The following SLX9 variants were observed in gnomAD, a reference collection of about 807,000 sequenced individuals.
SLX9 encodes the protein SLX9 ribosome biogenesis factor.
Under a neutral mutation model 20.8 loss-of-function variants are expected in SLX9, and 19 were observed. That is an observed-to-expected ratio of 0.91 (90% confidence interval 0.64 to 1.34). SLX9 has a LOEUF of 1.34. Ranked by LOEUF, SLX9 falls within the 40% of genes most tolerant of loss-of-function variation. The pLI is 0.00. For synonymous variants in SLX9, 113 were observed against 137.1 expected, an observed-to-expected ratio of 0.82 and a Z score of 1.23; for missense variants, 299 against 322.2, an observed-to-expected ratio of 0.93 and a Z score of 0.55.
In SLX9 at chr21:44,943,767, G is replaced by A. The variant is rs773438173; in HGVS notation, c.213G>A (p.Val71=). ...TGGTGCAGAAGCTGGAGCTGGACGT[G>A]AGGAGTGTCACTTCCGTCAGGAGAG... ...SALVQKLELD[V]RSVTSVRRGE... The change falls in exon 2 of 6, where the codon GTG becomes GTA. Residue 71 remains valine, a synonymous_variant. Coordinates refer to ENST00000291634, the MANE Select transcript of SLX9 (RefSeq NM_058190.4). 2.5e-6 allele frequency: 4 copies of A among 1,614,216 alleles called. No homozygotes were observed. Among genetic ancestry groups the A allele is most frequent in the Non-Finnish European group, 3.4e-6 (4 of 1,180,038 alleles).
chr21:44,952,848 G>A (rs972326577), intron 2 of SLX9, among the ~76,000 whole-genome samples: 1 of 152,270 alleles, frequency 6.6e-6, no homozygotes, highest in African/African-American at 2.4e-5. Flanking sequence ...TCGGTTGGTG[G>A]GGCCTGGCTG....
At chr21:44,942,084 G>C (rs1231689136) in intron 1 of SLX9, among the ~76,000 whole-genome samples, 1 of 152,204 alleles carries the variant, frequency 6.6e-6, no homozygotes, top group Non-Finnish European at 1.5e-5. Flanking sequence ...ACCTGTGCCA[G>C]CATTTTTTTA....
chr21:44,941,771 G>A (rs1014650613), intron 1 of SLX9, among the ~76,000 whole-genome samples: 5 of 152,170 alleles, frequency 3.3e-5, no homozygotes, highest in African/African-American at 4.8e-5. Flanking sequence ...TTGTTCCTGG[G>A]TCAGAGGGGC....
chr21:44,967,416 G>T (rs567962195), intron 4 of SLX9, among the ~76,000 whole-genome samples: 11 of 152,312 alleles, frequency 7.2e-5, no homozygotes, highest in Admixed American at 5.9e-4. Context: ...CTTGTGAGGA[G>T]CCTGGTGGCT....
intron 4 of SLX9, among the ~76,000 whole-genome samples, 155 bp downstream of exon 4, chr21:44,967,336 G>C (rs914854517): frequency 9.2e-5 from 14 of 152,234 alleles, no homozygotes; most frequent in Non-Finnish European, 1.8e-4. Context: ...CAGGTACCCT[G>C]TTCTCAGGGC....
chr21:44,964,688 G>A (rs374372991), intron 3 of SLX9, among the ~76,000 whole-genome samples: 17 of 152,322 alleles, frequency 1.1e-4, no homozygotes, highest in African/African-American at 3.6e-4. Flanking sequence ...TGTCCTCCAA[G>A]GCGGCTGGGC....
intron 4 of SLX9, among the ~76,000 whole-genome samples, chr21:44,972,721 C>G (rs991907227): frequency 4.6e-5 from 7 of 152,208 alleles, no homozygotes; most frequent in Admixed American, 1.3e-4. Context: ...GTGACTCAGC[C>G]TTCCTGGGAA....
At position 44,976,143 on chromosome 21, in the gene SLX9, G is replaced by A. The variant is rs559423606; in HGVS notation, c.570-537G>A. 3.3e-5 allele frequency among the ~76,000 whole-genome samples: 5 copies of A among 152,368 alleles called. No homozygotes were observed. The East Asian group carries it at 9.7e-4, about 29-fold the overall frequency. On this transcript the variant is annotated intron_variant, in intron 5 of 5. Transcript: ENST00000291634. ...TCTCTGGCGTGCGGCTGGCTGCGCG[G>A]GGTTTAGAGCAGGAGCTGAGTGGCC... is the stretch of plus-strand genomic sequence containing the variant.
At chr21:44,973,138 A>C in intron 4 of SLX9, 59 bp from the exon 5 acceptor site, 1 of 1,596,026 alleles carries the variant, frequency 6.3e-7, no homozygotes, top group South Asian at 1.1e-5. Context: ...GCCTCTGCCC[A>C]CGGGAAGGTG....
intron 1 of SLX9, among the ~76,000 whole-genome samples, chr21:44,941,261 G>C (rs968520640): frequency 1.3e-5 from 2 of 152,026 alleles, no homozygotes; most frequent in Non-Finnish European, 2.9e-5. Flanking sequence ...CCTGGCTCAT[G>C]CTGGCAGGTA....
chr21:44,962,841 C>T (rs530968368), intron 3 of SLX9, among the ~76,000 whole-genome samples: 3 of 152,298 alleles, frequency 2.0e-5, no homozygotes, highest in African/African-American at 7.2e-5. Flanking sequence ...GCCGTCTCCT[C>T]AGCCTCGGCC....
At chr21:44,953,784 AC>A (rs1029387642) in intron 2 of SLX9, among the ~76,000 whole-genome samples, 3 of 151,688 alleles carry the variant, frequency 2.0e-5, no homozygotes, top group African/African-American at 7.3e-5. Flanking sequence ...GGGTCGTGCC[AC>A]CCCCCGGGGA....
chr21:44,966,951 A>G, intron 3 of SLX9, 83 bp from the exon 4 acceptor site: 7 of 1,530,150 alleles, frequency 4.6e-6, no homozygotes, highest in Non-Finnish European at 6.2e-6. Flanking sequence ...GCACCCTGCC[A>G]GGTCTCTCGT....
At chr21:44,959,600 A>G (rs917019674) in intron 2 of SLX9, among the ~76,000 whole-genome samples, 2 of 152,210 alleles carry the variant, frequency 1.3e-5, no homozygotes, top group Non-Finnish European at 2.9e-5. Flanking sequence ...TGTGGGGTCC[A>G]GGGATGAAGC....
At chr21:44,953,326 G>A (rs570276464) in intron 2 of SLX9, among the ~76,000 whole-genome samples, 1 of 152,308 alleles carries the variant, frequency 6.6e-6, no homozygotes, top group African/African-American at 2.4e-5. Flanking sequence ...GCTGTCTTGC[G>A]AGGTTCCCTA....
At chr21:44,965,102 C>T (rs1303953114) in intron 3 of SLX9, among the ~76,000 whole-genome samples, 1 of 152,214 alleles carries the variant, frequency 6.6e-6, no homozygotes, top group African/African-American at 2.4e-5. Context: ...AATGTTTTTA[C>T]TATTCTTATG....
chr21:44,942,227 CT>C (rs2084563069), intron 1 of SLX9, among the ~76,000 whole-genome samples: 1 of 152,362 alleles, frequency 6.6e-6, no homozygotes, highest in African/African-American at 2.4e-5. Context: ...TGCTGCACCC[CT>C]TGTCCCCACC....
At chr21:44,969,271 G>A (rs1288162283) in intron 4 of SLX9, 6 of 459,662 alleles carry the variant, frequency 1.3e-5, no homozygotes, top group South Asian at 4.7e-5. Context: ...AGGAGCGGCC[G>A]CCCGGAGTGG....
At chr21:44,956,028 G>A (rs1054690522) in intron 2 of SLX9, among the ~76,000 whole-genome samples, 3 of 152,250 alleles carry the variant, frequency 2.0e-5, no homozygotes, top group Non-Finnish European at 4.4e-5. Flanking sequence ...TGCGGTGCCT[G>A]CTTTGTAAAA....
Sources: allele counts gnomAD v4.1 joint callset (sites outside exome capture counted in the v4.1 genomes callset), GRCh38; gene constraint gnomAD v4.1.1; transcripts MANE v1.5; gene names NCBI Gene and HGNC (gene_info 2026-07-23, HGNC 2026-07-21).